RCC1: variants seen among roughly 807,000 people sequenced by gnomAD.
RCC1 encodes regulator of chromosome condensation.
In RCC1, 11 loss-of-function variants were observed where a neutral mutation model predicts 44.4. That is an observed-to-expected ratio of 0.25 (90% CI 0.16 to 0.41). RCC1 has a LOEUF of 0.41. RCC1 is among the 10% of genes least tolerant of loss of function. RCC1 has a pLI of 1.00. For missense variants in RCC1, 386 were observed against 547.1 expected (o/e 0.71, Z 2.94); for synonymous variants, 213 against 216.5 (o/e 0.98, Z 0.14).
chr1:28,528,452 T>C (rs577748450), intron 4 of RCC1, among the ~76,000 whole-genome samples: 24 of 151,946 alleles, frequency 1.6e-4, no homozygotes, highest in African/African-American at 5.1e-4. Context: ...GAGACTCCAT[T>C]TCAAAAAAAC....
chr1:28,530,582 G>A (rs763317418), intron 5 of RCC1: 13 of 1,605,732 alleles, frequency 8.1e-6, no homozygotes, highest in African/African-American at 1.3e-5. Context: ...AGGTGCCTGC[G>A]GGCCGAGCCC....
intron 3 of RCC1, among the ~76,000 whole-genome samples, chr1:28,514,559 C>T (rs1662771653): frequency 2.0e-5 from 3 of 151,178 alleles, no homozygotes; most frequent in Admixed American, 6.6e-5. Context: ...GTCGGGAGTA[C>T]AAGACCAGCC....
In RCC1 at chr1:28,528,325, G is replaced by A. The variant is rs28618370; in HGVS notation, c.-9-1533G>A. Among the ~76,000 whole-genome samples the A allele has an allele frequency of 5.2e-3, 782 of 151,538 alleles. 4 individuals carry two copies. Among genetic ancestry groups the A allele is most frequent in the African/African-American group, 0.018 (731 of 41,296 alleles). On this transcript the variant is annotated intron_variant, in intron 4 of 12. Coordinates refer to ENST00000683442, the MANE Select transcript of RCC1 (RefSeq NM_001381865.2). ...ACAAAAATTAGCTGGGTGTGGTGGTGGGTGCCTGTAATCCCAGCTACTCGA... is the reference window on the plus strand; with the variant it reads ...ACAAAAATTAGCTGGGTGTGGTGGTAGGTGCCTGTAATCCCAGCTACTCGA...
intron 2 of RCC1, chr1:28,508,380 TTAGTC>T (rs1662203084): frequency 2.8e-6 from 1 of 354,642 alleles, no homozygotes; most frequent in African/African-American, 2.3e-5. Context: ...ATTGCTTTTT[TTAGTC>T]AGCTCATTAA....
intron 4 of RCC1, among the ~76,000 whole-genome samples, chr1:28,525,737 T>C (rs947509576): frequency 6.6e-6 from 1 of 152,178 alleles, no homozygotes; most frequent in Admixed American, 6.6e-5. Context: ...AGACCTTTGG[T>C]TACTTTCCCA....
Position 28,538,140 on chromosome 1 carries a change from G to A in RCC1, c.*133G>A. ...TGTCAGTTCCTGCCTTTTCTCATCAGCAGAACAGAATCCTTTTCCTCTTTT... is the reference window on the plus strand; with the variant it reads ...TGTCAGTTCCTGCCTTTTCTCATCAACAGAACAGAATCCTTTTCCTCTTTT... On this transcript the variant is annotated 3_prime_UTR_variant, in exon 13 of 13. Transcript: ENST00000683442. The A allele has an allele frequency of 4.1e-6, 3 of 737,284 alleles. No homozygotes were observed. Among genetic ancestry groups the A allele is most frequent in the African/African-American group, 1.8e-5 (1 of 55,742 alleles). 45.7% of individuals were successfully genotyped at this position (737,284 alleles called of 1,614,324 possible).
Position 28,531,820 on chromosome 1 carries a change from A to G in RCC1, c.91A>G (p.Ser31Gly), listed in dbSNP as rs368233349. Residue 31 changes from serine (S) to glycine (G), a missense_variant, in exon 6 of 13, where the codon AGC (serine) becomes GGC (glycine). Physicochemically the swap from Ser to Gly is moderately conservative, Grantham distance 56. Transcript: ENST00000683442. ...KKVKVSHRSHSTEPGLVLTLG... is the reference protein window; with the variant it reads ...KKVKVSHRSHGTEPGLVLTLG... ...CCCTTCAGTCTCACACAGGTCCCACAGCACAGAACCCGGCTTGGTGCTGAC... is the reference window on the plus strand; with the variant it reads ...CCCTTCAGTCTCACACAGGTCCCACGGCACAGAACCCGGCTTGGTGCTGAC... 4.5e-6 allele frequency: 7 copies of G among 1,550,470 alleles called. No homozygotes were observed. The highest frequency in any genetic ancestry group is 6.1e-6 in the Non-Finnish European group (7 of 1,153,412).
Position 28,508,815 on chromosome 1 carries a change from TTTC to T in RCC1, c.-228-12_-228-10del. The stretch of plus-strand genomic sequence containing the variant: ...AGGATCTTCAGGAGTCTAATCATTA[TTTC>T]TTTTCTTTTAGGAGAGAAGACGATC... On this transcript the variant is annotated splice_polypyrimidine_tract_variant and intron_variant, in intron 2 of 12. Transcript: ENST00000683442. The T allele has an allele frequency of 1.9e-6, 1 of 517,566 alleles. No homozygotes were observed. The highest frequency in any genetic ancestry group is 1.4e-5 in the South Asian group (1 of 71,416). The allele number at this position is 517,566 out of a possible 1,614,324, so 32.1% of individuals were successfully genotyped here. A position where few individuals can be genotyped will look rare whatever the true frequency, so the allele number is the denominator to read the frequency against.
chr1:28,511,894 C>T (rs1342970239), intron 3 of RCC1, among the ~76,000 whole-genome samples: 1 of 151,392 alleles, frequency 6.6e-6, no homozygotes, highest in Non-Finnish European at 1.5e-5. Context: ...GAACTCCTGA[C>T]CTCAAGTGAT....
At chr1:28,507,456 C>CAT (rs1662063527) in intron 1 of RCC1, 1 of 519,004 alleles carries the variant, frequency 1.9e-6, no homozygotes, top group Admixed American at 1.9e-5. Context: ...ATGTACAAGT[C>CAT]CCTTTCCACA....
In RCC1 at chr1:28,538,699, G is replaced by A. The variant is rs773737020; in HGVS notation, c.*692G>A. Reference sequence around the variant, plus strand: ...CCATTCGGCTTCACCTGCAGCCAACGGCCTGGAATCGCAAAGAGACACCAC... The same window carrying A: ...CCATTCGGCTTCACCTGCAGCCAACAGCCTGGAATCGCAAAGAGACACCAC... On this transcript the variant is annotated 3_prime_UTR_variant, in exon 13 of 13. Coordinates refer to ENST00000683442, the MANE Select transcript of RCC1 (RefSeq NM_001381865.2). 2.6e-5 allele frequency: 4 copies of A among 152,214 alleles called. No homozygotes were observed. Among genetic ancestry groups the A allele is most frequent in the Non-Finnish European group, 5.9e-5 (4 of 68,076 alleles). The allele number at this position is 152,214 out of a possible 1,614,324, so 9.4% of individuals were successfully genotyped here. A position where few individuals can be genotyped will look rare whatever the true frequency, so the allele number is the denominator to read the frequency against.
chr1:28,515,646 G>A (rs182703555), intron 3 of RCC1, among the ~76,000 whole-genome samples: 96 of 151,854 alleles, frequency 6.3e-4, no homozygotes, highest in Middle Eastern at 3.4e-3. Context: ...GAACCCAGGG[G>A]GCAGAGGTTG....
At chr1:28,532,140 C>T (rs1664217573) in intron 6 of RCC1, 31 bp from the exon 7 acceptor site, 5 of 1,603,828 alleles carry the variant, frequency 3.1e-6, no homozygotes, top group African/African-American at 1.3e-5. Flanking sequence ...CGAGGCCAGA[C>T]GTTGCATTAA....
At position 28,535,942 on chromosome 1, in the gene RCC1, G is replaced by A. The variant is rs113449876; in HGVS notation, c.733G>A (p.Ala245Thr). 1,605 of 1,614,114 alleles carry A rather than the reference G, an allele frequency of 9.9e-4. 19 individuals carry two copies. In the African/African-American group the frequency reaches 0.019, roughly 19 times the overall value. Residue 245 changes from alanine to threonine, a missense_variant, in exon 10 of 13, where the codon GCC becomes ACC. Coordinates refer to ENST00000683442, the MANE Select transcript of RCC1 (RefSeq NM_001381865.2). Reference protein sequence around the residue: ...GSRGHVRFQDAFCGAYFTFAI... With the variant: ...GSRGHVRFQDTFCGAYFTFAI... Reference sequence around the variant, plus strand: ...CCGGGGCCACGTGAGATTCCAGGATGCCTTTTGTGGTGCCTATTTCACCTT... The same window carrying A: ...CCGGGGCCACGTGAGATTCCAGGATACCTTTTGTGGTGCCTATTTCACCTT...
Position 28,538,082 on chromosome 1 carries a change from T to C in RCC1, c.*75T>C, listed in dbSNP as rs1664667424. On this transcript the variant is annotated 3_prime_UTR_variant, in exon 13 of 13. Coordinates refer to ENST00000683442, the MANE Select transcript of RCC1 (RefSeq NM_001381865.2). ...ACAGGGAAGCAGTGACAGCTGCAGA[T>C]GGCAGCGGGCCTCTCCCCAGCCCTG... 4.2e-6 allele frequency: 6 copies of C among 1,415,486 alleles called. No individual in the cohort carries two copies. The South Asian group carries it at 7.9e-5, about 19-fold the overall frequency. The allele number at this position is 1,415,486 out of a possible 1,614,324, so 87.7% of individuals were successfully genotyped here.
chr1:28,531,261 T>TTTC (rs1296233512), intron 5 of RCC1, among the ~76,000 whole-genome samples: 5 of 145,644 alleles, frequency 3.4e-5, no homozygotes, highest in Non-Finnish European at 7.5e-5. Flanking sequence ...TTTCTTTTCT[T>TTTC]TTTCTTTTTT....
intron 3 of RCC1, among the ~76,000 whole-genome samples, chr1:28,514,826 T>C (rs946670479): frequency 1.3e-5 from 2 of 151,888 alleles, no homozygotes; most frequent in Non-Finnish European, 1.5e-5. Context: ...CCCAGCACTT[T>C]GGGAAGCCAA....
chr1:28,533,523 C>T (rs1319954873), intron 7 of RCC1, among the ~76,000 whole-genome samples: 1 of 150,230 alleles, frequency 6.7e-6, no homozygotes, highest in Non-Finnish European at 1.5e-5. Flanking sequence ...AATCCCAGCA[C>T]TTTGGGAGGC....
intron 5 of RCC1, among the ~76,000 whole-genome samples, chr1:28,531,289 A>C (rs1284860086): frequency 7.6e-6 from 1 of 131,766 alleles, no homozygotes; most frequent in Non-Finnish European, 1.6e-5. Context: ...TTTTGAGATC[A>C]AGTATCACTC....
Sources: gnomAD v4.1 joint callset for allele counts (sites outside exome capture counted in the v4.1 genomes callset) on GRCh38, gnomAD v4.1.1 for gene constraint, MANE v1.5 for transcripts, NCBI Gene and HGNC (gene_info 2026-07-23, HGNC 2026-07-21) for gene names.